Variants in LINGO1 observed in about 807,000 individuals in gnomAD.
LINGO1 encodes the protein leucine-rich repeat and immunoglobulin-like domain-containing nogo receptor-interacting protein 1.
LINGO1 carries 11 observed loss-of-function variants against 37.3 expected under a neutral mutation model. That is an observed-to-expected ratio of 0.29 (90% confidence interval 0.19 to 0.49). LINGO1 has a LOEUF of 0.49. Ranked by LOEUF, LINGO1 falls within the 20% of genes least tolerant of loss-of-function variation. The pLI is 0.99. For synonymous variants in LINGO1, 387 were observed against 403.0 expected, an observed-to-expected ratio of 0.96 and a Z score of 0.48; for missense variants, 585 against 878.2, an observed-to-expected ratio of 0.67 and a Z score of 4.22.
intron 3 of LINGO1, chr15:77,652,022 G>C (rs935925326): frequency 6.6e-6 from 1 of 152,152 alleles, no homozygotes; most frequent in Non-Finnish European, 1.5e-5. Context: ...CATCCCATTC[G>C]TGCCAGAGCC....
chr15:77,637,629 A>C (rs1230577689), upstream of LINGO1, among the ~76,000 whole-genome samples: 1 of 152,086 alleles, frequency 6.6e-6, no homozygotes, highest in African/African-American at 2.4e-5. This position sits in a 1 kb window ranked among gnomAD's most constrained non-coding sequence, Gnocchi z 4.6. Flanking sequence ...TGATAAATGC[A>C]GGTATTTTTA....
chr15:77,696,596 ATCC>A (rs1219591566), upstream of LINGO1: 3 of 152,372 alleles, frequency 2.0e-5, no homozygotes, highest in Non-Finnish European at 4.4e-5. Context: ...GGGCCCCCCT[ATCC>A]TCCTCATCCT....
chr15:77,782,700 C>T (rs114730559), intron 1 of LINGO1, among the ~76,000 whole-genome samples: 329 of 151,996 alleles, frequency 2.2e-3, no homozygotes, highest in Non-Finnish European at 3.5e-3. Context: ...CCAACCCCTT[C>T]CCCAGCCACC....
At chr15:77,791,562 T>C (rs968472849), upstream of LINGO1, among the ~76,000 whole-genome samples, 3 of 151,756 alleles carry the variant, frequency 2.0e-5, no homozygotes, top group African/African-American at 7.3e-5. Flanking sequence ...AAAGGCCTTG[T>C]ACAAGCAGGA....
intron 1 of LINGO1, among the ~76,000 whole-genome samples, chr15:77,766,022 A>G (rs1162522712): frequency 6.6e-6 from 1 of 152,216 alleles, no homozygotes; most frequent in Non-Finnish European, 1.5e-5. Context: ...GAGCTGGCAC[A>G]TAGGTGGTAC....
chr15:77,653,749 C>A (rs1040163992), intron 3 of LINGO1, among the ~76,000 whole-genome samples: 2 of 152,140 alleles, frequency 1.3e-5, no homozygotes, highest in Non-Finnish European at 2.9e-5. Context: ...GAGTGCCTAT[C>A]AACCCTAACA....
chr15:77,622,156 C>T (rs886114806), intron 1 of LINGO1, among the ~76,000 whole-genome samples: 1 of 152,134 alleles, frequency 6.6e-6, no homozygotes, highest in African/African-American at 2.4e-5. Flanking sequence ...AAAGTCTGCC[C>T]AGGGCTCTGC....
chr15:77,760,508 T>C (rs768963514), intron 1 of LINGO1, among the ~76,000 whole-genome samples: 17 of 152,246 alleles, frequency 1.1e-4, no homozygotes, highest in Non-Finnish European at 2.1e-4. Flanking sequence ...CTTGGAAAAG[T>C]TGAATCTGGC....
intron 3 of LINGO1, among the ~76,000 whole-genome samples, chr15:77,662,992 G>A (rs1396389477): frequency 5.9e-5 from 9 of 152,364 alleles, no homozygotes; most frequent in South Asian, 4.1e-4. Context: ...GCAGGACTCC[G>A]CCTCTGGGGG....
intron 1 of LINGO1, among the ~76,000 whole-genome samples, chr15:77,769,478 C>T (rs544128326): frequency 1.3e-5 from 2 of 152,294 alleles, no homozygotes; most frequent in Admixed American, 1.3e-4. Flanking sequence ...ATGGAGTGGC[C>T]AGGGTCAGCC....
intron 3 of LINGO1, among the ~76,000 whole-genome samples, chr15:77,653,183 G>A (rs2074798232): frequency 6.6e-6 from 1 of 152,248 alleles, no homozygotes; most frequent in Non-Finnish European, 1.5e-5. Flanking sequence ...GATGGTCAAG[G>A]TGGCTCTGGA....
chr15:77,737,890 C>A (rs1339459460), intron 1 of LINGO1, among the ~76,000 whole-genome samples: 1 of 151,942 alleles, frequency 6.6e-6, no homozygotes, highest in East Asian at 1.9e-4. Context: ...ATCCTGTCTG[C>A]ACACTCCTCA....
At chr15:77,750,624 G>A (rs960452264) in intron 1 of LINGO1, among the ~76,000 whole-genome samples, 1 of 152,188 alleles carries the variant, frequency 6.6e-6, no homozygotes, top group African/African-American at 2.4e-5. Flanking sequence ...CCAGAAGAAT[G>A]GATGCCAACA....
At chr15:77,663,066 A>G (rs1314467411) in intron 3 of LINGO1, among the ~76,000 whole-genome samples, 3 of 152,204 alleles carry the variant, frequency 2.0e-5, no homozygotes, top group Non-Finnish European at 2.9e-5. Flanking sequence ...CCTCACCTCC[A>G]TAGACATCCA....
Position 77,776,472 on chromosome 15 carries a change from G to GCAGGAAGGCAGGAAA in LINGO1, c.-257+10396_-257+10397insTTTCCTGCCTTCCTG, listed in dbSNP as rs2076644596. Among the ~76,000 whole-genome samples the GCAGGAAGGCAGGAAA allele has an allele frequency of 3.4e-3, 387 of 114,308 alleles. 5 individuals carry two copies. The highest frequency in any genetic ancestry group is 6.3e-3 in the South Asian group (21 of 3,348). The allele number at this position is 114,308 out of a possible 152,430, so 75.0% of individuals were successfully genotyped here. On this transcript the variant is annotated intron_variant, in intron 1 of 3. Coordinates refer to the LINGO1 transcript ENST00000561686. ...TAGCAGGAAGGCAGGAAGGCAGGAAGGCAGGAAGGCAGGAAAGCAGGAAGG... is the reference window on the plus strand; with the variant it reads ...TAGCAGGAAGGCAGGAAGGCAGGAAGCAGGAAGGCAGGAAAGCAGGAAGGCAGGAAAGCAGGAAGG...
chr15:77,680,409 T>C (rs2075395269), intron 2 of LINGO1, among the ~76,000 whole-genome samples: 1 of 150,996 alleles, frequency 6.6e-6, no homozygotes, highest in Non-Finnish European at 1.5e-5. Context: ...GTCACCTTGC[T>C]GCATATGTTG....
intron 2 of LINGO1, among the ~76,000 whole-genome samples, chr15:77,715,051 G>A (rs1267647645): frequency 6.6e-6 from 1 of 152,234 alleles, no homozygotes; most frequent in African/African-American, 2.4e-5. Context: ...TGGTGGGCCT[G>A]GTTGTCTGGA....
intron 2 of LINGO1, among the ~76,000 whole-genome samples, chr15:77,683,469 T>C (rs552733611): frequency 6.6e-6 from 1 of 152,266 alleles, no homozygotes; most frequent in East Asian, 1.9e-4. Context: ...TAAATATCCA[T>C]CAATCCAGGA....
intron 1 of LINGO1, among the ~76,000 whole-genome samples, chr15:77,809,131 T>G (rs576574846): frequency 1.1e-4 from 16 of 152,296 alleles, no homozygotes; most frequent in Non-Finnish European, 2.2e-4. Context: ...GCCAGAGCCC[T>G]TAGAATCTGC....
Sources: gnomAD v4.1 joint callset for allele counts (sites outside exome capture counted in the v4.1 genomes callset) on GRCh38, gnomAD v4.1.1 for gene constraint, Gnocchi (gnomAD v3.1) non-coding constraint, MANE v1.5 for transcripts, NCBI Gene and HGNC (gene_info 2026-07-23, HGNC 2026-07-21) for gene names.